The following ASB9 variants were observed in gnomAD, a reference collection of about 807,000 sequenced individuals.
The protein encoded by ASB9 is ankyrin repeat and SOCS box containing 9, also known as ankyrin repeat and SOCS box protein 9.
In ASB9, 5 loss-of-function variants were observed where a neutral mutation model predicts 16.6. The observed-to-expected ratio is 0.30, with a 90% CI of 0.16 to 0.63. The LOEUF (loss-of-function observed/expected upper bound fraction) is 0.63, where lower values mean the gene tolerates loss of function less well. Among genes scored for constraint, ASB9 ranks in the 30% least tolerant of loss-of-function variants. ASB9 has a pLI of 0.82. For synonymous variants in ASB9, 100 were observed against 86.4 expected, an observed-to-expected ratio of 1.16 and a Z score of -0.87; for missense variants, 216 against 229.4, an observed-to-expected ratio of 0.94 and a Z score of 0.38.
chrX:15,267,568 C>T (rs1265608558), intron 1 of ASB9, among the ~76,000 whole-genome samples: 4 of 87,705 alleles, frequency 4.6e-5, no homozygotes, highest in East Asian at 3.7e-4. Context: ...CATGGTGAAA[C>T]CCCGTCTCTA....
In ASB9 at chrX:15,262,769, C is replaced by A. The variant is rs542959091; in HGVS notation, c.95-3824G>T. ...GCCTCAGCCTCTCAAGTAACTGGGA[C>A]TACAGGTGCACACCATCACACTCAG... On this transcript the variant is annotated intron_variant, in intron 1 of 6. Transcript: ENST00000380488. Among the ~76,000 whole-genome samples, 38 of 111,930 alleles carry A rather than the reference C, an allele frequency of 3.4e-4. No individual in the cohort carries two copies. The South Asian group carries it at 0.013, about 38-fold the overall frequency.
chrX:15,260,053 C>T (rs951141231), intron 1 of ASB9, among the ~76,000 whole-genome samples: 15 of 111,926 alleles, frequency 1.3e-4, no homozygotes, highest in African/African-American at 4.5e-4. Flanking sequence ...TTATCCTGCC[C>T]TAACACTAAA....
At chrX:15,267,084 T>C (rs1436425702) in intron 1 of ASB9, among the ~76,000 whole-genome samples, 1 of 113,767 alleles carries the variant, frequency 8.8e-6, no homozygotes, top group African/African-American at 3.2e-5. Flanking sequence ...CCCATAATGA[T>C]TGGTTTGCTG....
At chrX:15,267,322 A>T (rs1926533562) in intron 1 of ASB9, among the ~76,000 whole-genome samples, 1 of 112,447 alleles carries the variant, frequency 8.9e-6, no homozygotes, top group African/African-American at 3.2e-5. Flanking sequence ...CCTGAGGCAG[A>T]ATTGCTTGAA....
At chrX:15,262,146 A>T (rs1168214828) in intron 1 of ASB9, among the ~76,000 whole-genome samples, 1 of 107,069 alleles carries the variant, frequency 9.3e-6, no homozygotes, top group Non-Finnish European at 1.9e-5. Flanking sequence ...TTTTTTGGCC[A>T]AATAATTCCA....
At chrX:15,261,163 C>T (rs1310551042) in intron 1 of ASB9, among the ~76,000 whole-genome samples, 3 of 111,840 alleles carry the variant, frequency 2.7e-5, no homozygotes, top group Non-Finnish European at 5.6e-5. Context: ...ATTCGGACTG[C>T]AGACATGGAA....
Position 15,244,573 on chromosome X carries a change from T to C in ASB9, c.818A>G (p.Gln273Arg). 8.3e-7 allele frequency: 1 copy of C among 1,199,711 alleles called. No individual in the cohort carries two copies. Among genetic ancestry groups the C allele is most frequent in the South Asian group, 1.8e-5 (1 of 56,659 alleles). Residue 273 changes from glutamine (Q) to arginine (R), a missense_variant, in exon 7 of 7, where the codon CAG becomes CGG. Transcript: ENST00000380488. Reference sequence around the variant, plus strand: ...GAGTTTGGTTATCTTATGATGCTGCTGGATTCCAAAACACTTCCGAATTCT... The same window carrying C: ...GAGTTTGGTTATCTTATGATGCTGCCGGATTCCAAAACACTTCCGAATTCT... ...RLRIRKCFGI[Q>R]QHHKITKLVL...
intron 1 of ASB9, among the ~76,000 whole-genome samples, chrX:15,260,072 C>T (rs1025321589): frequency 8.9e-6 from 1 of 111,968 alleles, no homozygotes; most frequent in African/African-American, 3.3e-5. Context: ...AACAGAGAGT[C>T]TTAATTATAC....
chrX:15,269,957 G>GAAA lies in ASB9; in HGVS notation c.-86_-84dup. The GAAA allele has an allele frequency of 1.2e-6, 1 of 801,008 alleles. No homozygotes were observed. Among genetic ancestry groups the GAAA allele is most frequent in the Non-Finnish European group, 1.8e-6 (1 of 558,612 alleles). 66.0% of individuals were successfully genotyped at this position (801,008 alleles called of 1,213,427 possible). A position where few individuals can be genotyped will look rare whatever the true frequency, so the allele number is the denominator to read the frequency against. ...CAAACTCCATGCTCCCCCTGCTCCTGAAAAATTCCAGTTCTGTGGCTGGCT... is the reference window on the plus strand; with the variant it reads ...CAAACTCCATGCTCCCCCTGCTCCTGAAAAAAAATTCCAGTTCTGTGGCTGGCT... On this transcript the variant is annotated 5_prime_UTR_variant, in exon 1 of 7. Transcript: ENST00000380488.
At chrX:15,253,191 G>A (rs1004729397) in intron 3 of ASB9, among the ~76,000 whole-genome samples, 5 of 110,823 alleles carry the variant, frequency 4.5e-5, no homozygotes, top group African/African-American at 1.3e-4. Context: ...CCGAGATCAC[G>A]CCACTGCACT....
At position 15,248,790 on chromosome X, in the gene ASB9, C is replaced by T; in HGVS notation, c.714G>A (p.Leu238=). The T allele has an allele frequency of 8.3e-7, 1 of 1,211,268 alleles. No individual in the cohort carries two copies. The highest frequency in any genetic ancestry group is 1.1e-6 in the Non-Finnish European group (1 of 895,250). The part of the protein sequence containing the change: ...KNAEGKRPVE[L]VPPESPLAQL... ...GGGCCAAGGGGCTCTCTGGAGGCAC[C>T]AGCTCCACAGGACGTTTGCCTTCAG... is the stretch of plus-strand genomic sequence containing the variant. The change falls in exon 6 of 7, where the codon CTG becomes CTA. Residue 238 remains leucine, a synonymous_variant. Transcript: ENST00000380488.
intron 1 of ASB9, among the ~76,000 whole-genome samples, chrX:15,267,892 C>T (rs140263911): frequency 0.019 from 2,090 of 110,984 alleles, 52 homozygotes; most frequent in African/African-American, 0.064. Flanking sequence ...TCCCACTCAC[C>T]ATTGAGTACT....
intron 1 of ASB9, among the ~76,000 whole-genome samples, chrX:15,268,132 G>C (rs924107877): frequency 2.7e-5 from 3 of 110,605 alleles, no homozygotes; most frequent in African/African-American, 9.9e-5. Flanking sequence ...AGGAGTTCTA[G>C]ACCAGCCTGG....
Position 15,244,217 on chromosome X carries a change from G to C in ASB9, c.*289C>G. 1 of 238,213 alleles carries C rather than the reference G, an allele frequency of 4.2e-6. No homozygotes were observed. The highest frequency in any genetic ancestry group is 7.4e-6 in the Non-Finnish European group (1 of 134,647). 19.6% of individuals were successfully genotyped at this position (238,213 alleles called of 1,213,427 possible). On this transcript the variant is annotated 3_prime_UTR_variant, in exon 7 of 7. Transcript: ENST00000380488. ...TGCAGAAAGTGCTTGGCATGCAGTAGATATGCAAAACAATAACTTATGACA... is the reference window on the plus strand; with the variant it reads ...TGCAGAAAGTGCTTGGCATGCAGTACATATGCAAAACAATAACTTATGACA...
At chrX:15,244,665 T>A (rs1367938744) in intron 6 of ASB9, 35 bp from the exon 7 acceptor site, 20 of 1,143,862 alleles carry the variant, frequency 1.7e-5, no homozygotes, top group Non-Finnish European at 2.3e-5. Flanking sequence ...CATACAATGG[T>A]GCTATTGATC....
At chrX:15,260,636 C>A (rs1360471519) in intron 1 of ASB9, among the ~76,000 whole-genome samples, 1 of 111,665 alleles carries the variant, frequency 9.0e-6, no homozygotes, top group Non-Finnish European at 1.9e-5. Flanking sequence ...CCACCTGCTT[C>A]GCCAAACACA....
At chrX:15,251,882 T>C (rs904395265) in intron 4 of ASB9, among the ~76,000 whole-genome samples, 3 of 112,665 alleles carry the variant, frequency 2.7e-5, no homozygotes, top group African/African-American at 9.7e-5. Context: ...GTCACGGGTA[T>C]AACAACGGAT....
At chrX:15,246,837 G>A (rs1003625874) in intron 6 of ASB9, among the ~76,000 whole-genome samples, 4 of 111,385 alleles carry the variant, frequency 3.6e-5, no homozygotes, top group African/African-American at 1.3e-4. Flanking sequence ...TGGGGGCTGC[G>A]GTCATGTTGG....
At chrX:15,257,645 T>A (rs1226853519) in intron 2 of ASB9, among the ~76,000 whole-genome samples, 1 of 111,764 alleles carries the variant, frequency 8.9e-6, no homozygotes, top group East Asian at 2.8e-4. Flanking sequence ...TTAACAAGTC[T>A]GAGTCATATA....
Sources: gnomAD v4.1 joint callset for allele counts (sites outside exome capture counted in the v4.1 genomes callset) on GRCh38, gnomAD v4.1.1 for gene constraint, MANE v1.5 for transcripts, NCBI Gene and HGNC (gene_info 2026-07-23, HGNC 2026-07-21) for gene names.